Variants in GLCCI1 observed in about 807,000 individuals in gnomAD.
The protein encoded by GLCCI1 is glucocorticoid induced 1.
In GLCCI1, 24 loss-of-function variants were observed where a neutral mutation model predicts 52.2. The observed-to-expected ratio is 0.46, with a 90% confidence interval of 0.33 to 0.65. The LOEUF (loss-of-function observed/expected upper bound fraction) is 0.65. GLCCI1 is among the 30% of genes least tolerant of loss of function. The pLI is 0.02. For missense variants in GLCCI1, 704 were observed against 701.5 expected (o/e 1.00, Z -0.04); for synonymous variants, 310 against 276.5 (o/e 1.12, Z -1.20).
intron 6 of GLCCI1, among the ~76,000 whole-genome samples, chr7:8,077,526 C>A (rs1048850208): frequency 1.3e-5 from 2 of 152,188 alleles, no homozygotes; most frequent in East Asian, 3.8e-4. Flanking sequence ...CCTGCTCTGC[C>A]ACTTAATTAT....
Position 8,025,201 on chromosome 7 carries a change from T to C in GLCCI1, c.696+2632T>C, listed in dbSNP as rs895183349. Among the ~76,000 whole-genome samples the C allele has an allele frequency of 3.9e-5, 6 of 152,308 alleles. No homozygotes were observed. In the East Asian group the frequency reaches 1.2e-3, roughly 29 times the overall value. ...GTGGGCTCAGGCCACCGATGTGTTCTTGGCCAGGAGAGCCTAGGAATAGGT... is the reference window on the plus strand; with the variant it reads ...GTGGGCTCAGGCCACCGATGTGTTCCTGGCCAGGAGAGCCTAGGAATAGGT... On this transcript the variant is annotated intron_variant, in intron 3 of 7. Transcript: ENST00000223145.
At position 8,086,604 on chromosome 7, in the gene GLCCI1, G is replaced by A; in HGVS notation, c.*66G>A. On this transcript the variant is annotated 3_prime_UTR_variant, in exon 8 of 8. Coordinates refer to ENST00000223145, the MANE Select transcript of GLCCI1 (RefSeq NM_138426.4). The surrounding 1 kb of genome is among the most constrained non-coding windows in gnomAD (Gnocchi z 4.4). ...GGAACAAGATTTCAGACATCTGCAT[G>A]AGTGACAAACTTTCTGAACACCACC... 7.7e-7 allele frequency: 1 copy of A among 1,293,786 alleles called. No homozygotes were observed. The highest frequency in any genetic ancestry group is 1.5e-5 in the African/African-American group (1 of 67,224). 80.1% of individuals were successfully genotyped at this position (1,293,786 alleles called of 1,614,324 possible).
intron 5 of GLCCI1, among the ~76,000 whole-genome samples, chr7:8,064,254 T>C (rs948483006): frequency 3.9e-5 from 6 of 152,246 alleles, no homozygotes; most frequent in African/African-American, 1.4e-4. Context: ...TTTAAGTCTT[T>C]GATCCATCTT....
At chr7:8,041,863 A>T (rs1314115069) in intron 3 of GLCCI1, among the ~76,000 whole-genome samples, 2 of 152,190 alleles carry the variant, frequency 1.3e-5, no homozygotes, top group Non-Finnish European at 2.9e-5. Flanking sequence ...AAGTGCTGGA[A>T]TCACAAGTAT....
intron 3 of GLCCI1, among the ~76,000 whole-genome samples, chr7:8,032,356 G>A (rs905381724): frequency 3.3e-5 from 5 of 151,790 alleles, no homozygotes; most frequent in African/African-American, 1.2e-4. Flanking sequence ...TAAGAAACTG[G>A]AAAAAGAAAA....
chr7:8,002,356 TAA>T (rs1347893797), intron 1 of GLCCI1, among the ~76,000 whole-genome samples: 12 of 152,238 alleles, frequency 7.9e-5, no homozygotes, highest in South Asian at 6.2e-4. Flanking sequence ...GAAACGTTTA[TAA>T]AAAATGACCA....
intron 3 of GLCCI1, among the ~76,000 whole-genome samples, chr7:8,028,487 G>GT (rs1210908692): frequency 1.3e-5 from 2 of 152,094 alleles, no homozygotes; most frequent in Non-Finnish European, 2.9e-5. Context: ...ATTTATAGCT[G>GT]TAAGTGCCTA....
At chr7:8,081,081 C>G (rs966029126) in intron 6 of GLCCI1, among the ~76,000 whole-genome samples, 1 of 152,098 alleles carries the variant, frequency 6.6e-6, no homozygotes, top group Non-Finnish European at 1.5e-5. Context: ...ATGCCATGCA[C>G]CTAGGCCTAG....
At chr7:8,074,280 TGTAAA>T (rs1782827347) in intron 6 of GLCCI1, among the ~76,000 whole-genome samples, 1 of 152,124 alleles carries the variant, frequency 6.6e-6, no homozygotes, top group Non-Finnish European at 1.5e-5. Flanking sequence ...ATACTAAAAG[TGTAAA>T]GGAGGGAGTT....
chr7:7,979,127 G>T (rs1481410765), intron 1 of GLCCI1, among the ~76,000 whole-genome samples: 1 of 152,112 alleles, frequency 6.6e-6, no homozygotes, highest in Non-Finnish European at 1.5e-5. Flanking sequence ...AGTTTCATTA[G>T]TATTGCAAAA....
At chr7:7,976,370 T>A (rs1224089042) in intron 1 of GLCCI1, among the ~76,000 whole-genome samples, 2 of 147,940 alleles carry the variant, frequency 1.4e-5, no homozygotes, top group Non-Finnish European at 3.0e-5. Context: ...TCCCAGTTAC[T>A]CGGGAGGCTG....
At chr7:8,054,342 C>A (rs2127958704) in intron 3 of GLCCI1, among the ~76,000 whole-genome samples, 1 of 152,148 alleles carries the variant, frequency 6.6e-6, no homozygotes, top group Middle Eastern at 3.4e-3. Flanking sequence ...ATTTGTGTAT[C>A]TTTTGCAAGC....
intron 1 of GLCCI1, among the ~76,000 whole-genome samples, chr7:7,976,394 G>C (rs1780468837): frequency 6.8e-6 from 1 of 147,712 alleles, no homozygotes; most frequent in East Asian, 2.0e-4. Flanking sequence ...CACGAAAGTT[G>C]CTTGAACCTG....
Position 8,067,695 on chromosome 7 carries a change from G to C in GLCCI1, c.967-3226G>C, listed in dbSNP as rs557035070. ...GGCTCCAATCTCTTTTGGCTTGCCA[G>C]ATTTCTGCTGAAAGGTCTTCTGTTG... is the stretch of plus-strand genomic sequence containing the variant. On this transcript the variant is annotated intron_variant, in intron 5 of 7. Coordinates refer to ENST00000223145, the MANE Select transcript of GLCCI1 (RefSeq NM_138426.4). Among the ~76,000 whole-genome samples, 24 of 152,344 alleles carry C rather than the reference G, an allele frequency of 1.6e-4. No individual in the cohort carries two copies. The South Asian group carries it at 4.8e-3, about 30-fold the overall frequency.
chr7:8,005,585 A>T (rs1160618137), intron 2 of GLCCI1, among the ~76,000 whole-genome samples: 1 of 152,194 alleles, frequency 6.6e-6, no homozygotes, highest in East Asian at 1.9e-4. Context: ...AACACAGGCT[A>T]ATCTGTTAAC....
At chr7:8,057,658 A>C (rs1441847239) in intron 4 of GLCCI1, among the ~76,000 whole-genome samples, 1 of 152,156 alleles carries the variant, frequency 6.6e-6, no homozygotes, top group African/African-American at 2.4e-5. Context: ...ATTATACCTC[A>C]TTAAAGCTGT....
At chr7:8,064,052 T>C (rs1384074864) in intron 5 of GLCCI1, among the ~76,000 whole-genome samples, 1 of 152,230 alleles carries the variant, frequency 6.6e-6, no homozygotes. Context: ...TTATGTAGGT[T>C]GTCTGTGTAC....
At chr7:8,006,428 T>G (rs967075985) in intron 2 of GLCCI1, among the ~76,000 whole-genome samples, 5 of 152,222 alleles carry the variant, frequency 3.3e-5, no homozygotes, top group Non-Finnish European at 5.9e-5. Flanking sequence ...TACACATGTC[T>G]GATTTTTTAT....
Position 8,086,698 on chromosome 7 carries a change from C to G in GLCCI1, c.*160C>G. On this transcript the variant is annotated 3_prime_UTR_variant, in exon 8 of 8. Coordinates refer to ENST00000223145, the MANE Select transcript of GLCCI1 (RefSeq NM_138426.4). The surrounding 1 kb of genome is among the most constrained non-coding windows in gnomAD (Gnocchi z 4.4). ...ACTGATCTTGGCAGGGACGGAACTCCTATTCAGCAGTTTTTGTGGAAAGCA... is the reference window on the plus strand; with the variant it reads ...ACTGATCTTGGCAGGGACGGAACTCGTATTCAGCAGTTTTTGTGGAAAGCA... 1 of 634,100 alleles carries G rather than the reference C, an allele frequency of 1.6e-6. No homozygotes were observed. The highest frequency in any genetic ancestry group is 2.7e-6 in the Non-Finnish European group (1 of 376,552). The allele number at this position is 634,100 out of a possible 1,614,324, so 39.3% of individuals were successfully genotyped here.
Sources: allele counts gnomAD v4.1 joint callset (sites outside exome capture counted in the v4.1 genomes callset), GRCh38; gene constraint gnomAD v4.1.1; non-coding constraint Gnocchi (gnomAD v3.1); transcripts MANE v1.5; gene names NCBI Gene and HGNC (gene_info 2026-07-23, HGNC 2026-07-21).